Variants in WDPCP observed in about 807,000 individuals in gnomAD.
WDPCP encodes WD repeat-containing and planar cell polarity effector protein fritz homolog.
WDPCP carries 71 observed loss-of-function variants against 93.1 expected under a neutral mutation model. That is an observed-to-expected ratio of 0.76 (90% CI 0.63 to 0.93). The LOEUF is 0.93. Among genes scored for constraint, WDPCP ranks in the 40% least tolerant of loss-of-function variants. The probability of loss-of-function intolerance (pLI) is 0.00; values close to 1 mark genes in which losing one functional copy is unlikely to be tolerated. For synonymous variants in WDPCP, 315 were observed against 315.0 expected (o/e 1.00, Z 0.00); for missense variants, 844 against 887.4 (o/e 0.95, Z 0.62).
At chr2:63,131,263 ATT>A (rs1670276856) in intron 17 of WDPCP, among the ~76,000 whole-genome samples, 1 of 150,772 alleles carries the variant, frequency 6.6e-6, no homozygotes, top group Non-Finnish European at 1.5e-5. Context: ...TTGGTTCCTC[ATT>A]TCTTTTCTTA....
In WDPCP at chr2:63,329,673, T is replaced by G. The variant is rs531372508; in HGVS notation, c.1749-16362A>C. 2.3e-3 allele frequency among the ~76,000 whole-genome samples: 354 copies of G among 152,300 alleles called. 2 individuals are homozygous for G. The highest frequency in any genetic ancestry group is 3.5e-3 in the Non-Finnish European group (238 of 68,026). ...TCTTTTCATTTAAAAAAATTTTAAATGTGAAATATCCAAATTTTTCAGGGC... is the reference window on the plus strand; with the variant it reads ...TCTTTTCATTTAAAAAAATTTTAAAGGTGAAATATCCAAATTTTTCAGGGC... On this transcript the variant is annotated intron_variant, in intron 12 of 17. Transcript: ENST00000272321.
At chr2:63,189,961 A>G (rs891839686) in intron 14 of WDPCP, among the ~76,000 whole-genome samples, 2 of 152,176 alleles carry the variant, frequency 1.3e-5, no homozygotes, top group Admixed American at 6.5e-5. Flanking sequence ...ATTAGGTTTC[A>G]TTGTTCATTC....
chr2:63,751,786 C>A (rs1308824268), intron 2 of WDPCP: 3 of 634,938 alleles, frequency 4.7e-6, no homozygotes, highest in Non-Finnish European at 8.9e-6. Context: ...CCTCCAACAC[C>A]ACAGTGCTTC....
chr2:63,245,462 A>G (rs959101545), intron 14 of WDPCP, among the ~76,000 whole-genome samples: 4 of 152,188 alleles, frequency 2.6e-5, no homozygotes, highest in Non-Finnish European at 5.9e-5. Context: ...CATCTTGGAG[A>G]GCAGAAGGGT....
intron 6 of WDPCP, among the ~76,000 whole-genome samples, chr2:63,446,344 G>A (rs909042615): frequency 6.6e-6 from 1 of 152,194 alleles, no homozygotes; most frequent in Non-Finnish European, 1.5e-5. Context: ...ATTGGGAACT[G>A]TGCATGTGTT....
chr2:63,227,068 T>C (rs1418359686), intron 14 of WDPCP, among the ~76,000 whole-genome samples: 1 of 151,926 alleles, frequency 6.6e-6, no homozygotes, highest in Non-Finnish European at 1.5e-5. Flanking sequence ...TCAGGTAATG[T>C]AGAAAAAAAT....
intron 2 of WDPCP, among the ~76,000 whole-genome samples, chr2:63,706,076 T>G (rs183790587): frequency 0.012 from 1,871 of 152,298 alleles, 16 homozygotes; most frequent in Non-Finnish European, 0.015. Context: ...TCTTTTGATC[T>G]TTGTTGGTTT....
intron 1 of WDPCP, among the ~76,000 whole-genome samples, chr2:63,494,147 A>T (rs915696398): frequency 6.6e-6 from 1 of 152,134 alleles, no homozygotes; most frequent in South Asian, 2.1e-4. Context: ...GAAATGGCAG[A>T]GTGAAAAATG....
intron 6 of WDPCP, among the ~76,000 whole-genome samples, chr2:63,450,761 A>G (rs1193629756): frequency 1.3e-5 from 2 of 152,204 alleles, no homozygotes; most frequent in Non-Finnish European, 2.9e-5. Flanking sequence ...AAGAAATCAT[A>G]GAGAGACTAT....
chr2:63,610,813 G>A (rs770906144), intron 3 of WDPCP, among the ~76,000 whole-genome samples: 4 of 152,120 alleles, frequency 2.6e-5, no homozygotes, highest in African/African-American at 4.8e-5. Context: ...GATACTTAGC[G>A]TCAGGCACAG....
intron 2 of WDPCP, among the ~76,000 whole-genome samples, chr2:63,489,624 A>T (rs1235496600): frequency 6.6e-6 from 1 of 152,124 alleles, no homozygotes; most frequent in African/African-American, 2.4e-5. Flanking sequence ...TCAGATTTTG[A>T]CAGGGACATG....
chr2:63,611,435 C>T (rs1337825377), intron 3 of WDPCP, among the ~76,000 whole-genome samples: 1 of 151,718 alleles, frequency 6.6e-6, no homozygotes, highest in African/African-American at 2.4e-5. Flanking sequence ...CCTTTCTAAC[C>T]CCCCACTTTT....
chr2:63,755,831 C>T (rs1261547351), intron 2 of WDPCP, among the ~76,000 whole-genome samples: 3 of 152,176 alleles, frequency 2.0e-5, no homozygotes, highest in African/African-American at 4.8e-5. Context: ...TTTGTCTACA[C>T]ACTCGCTGCC....
At chr2:63,585,397 CAA>C (rs776723443) in intron 1 of WDPCP, among the ~76,000 whole-genome samples, 1 of 151,836 alleles carries the variant, frequency 6.6e-6, no homozygotes, top group African/African-American at 2.4e-5. Flanking sequence ...GGTAAAAAGC[CAA>C]AGTTTTTTTT....
intron 3 of WDPCP, among the ~76,000 whole-genome samples, chr2:63,636,100 C>T (rs1310717742): frequency 6.6e-6 from 1 of 152,104 alleles, no homozygotes; most frequent in East Asian, 1.9e-4. Context: ...AGAAAACAAT[C>T]CCATTTACAA....
intron 13 of WDPCP, among the ~76,000 whole-genome samples, chr2:63,267,562 G>A (rs934521981): frequency 3.3e-5 from 5 of 152,074 alleles, no homozygotes; most frequent in African/African-American, 1.2e-4. Flanking sequence ...TGTATTGGGA[G>A]AAAATATTTA....
chr2:63,581,888 A>C (rs953886684), intron 1 of WDPCP, among the ~76,000 whole-genome samples: 15 of 151,894 alleles, frequency 9.9e-5, no homozygotes, highest in Admixed American at 2.6e-4. Flanking sequence ...GCACACCTGT[A>C]GTCCCAGCTA....
chr2:63,569,329 G>A (rs1558821361), intron 1 of WDPCP, among the ~76,000 whole-genome samples: 2 of 152,196 alleles, frequency 1.3e-5, no homozygotes, highest in African/African-American at 4.8e-5. Flanking sequence ...AATGCAATTG[G>A]GAAGGGATCT....
At chr2:63,664,447 C>G (rs1710262131) in intron 2 of WDPCP, among the ~76,000 whole-genome samples, 1 of 152,194 alleles carries the variant, frequency 6.6e-6, no homozygotes, top group South Asian at 2.1e-4. Context: ...GCAACTGCCC[C>G]TGGATACTGG....
Sources: allele counts gnomAD v4.1 joint callset (sites outside exome capture counted in the v4.1 genomes callset), GRCh38; gene constraint gnomAD v4.1.1; transcripts MANE v1.5; gene names NCBI Gene and HGNC (gene_info 2026-07-23, HGNC 2026-07-21).